Variants in PTPRD observed in about 807,000 individuals in gnomAD.
PTPRD encodes the protein protein tyrosine phosphatase receptor type D.
Under a neutral mutation model 214.5 loss-of-function variants are expected in PTPRD, and 34 were observed. The ratio of observed to expected loss-of-function variants is 0.16; its 90% CI spans 0.12 to 0.21. The LOEUF is 0.21. PTPRD is among the 10% of genes least tolerant of loss of function. PTPRD has a pLI of 1.00. For synonymous variants in PTPRD, 1,128 were observed against 845.7 expected (o/e 1.33, Z -5.79); for missense variants, 2,545 against 2,398.7 (o/e 1.06, Z -1.27).
At chr9:10,259,798 T>C (rs1348010453) in intron 3 of PTPRD, among the ~76,000 whole-genome samples, 5 of 152,194 alleles carry the variant, frequency 3.3e-5, no homozygotes, top group South Asian at 4.2e-4. Context: ...TAGCTCCGTT[T>C]TGCACACACT....
At position 9,471,516 on chromosome 9, in the gene PTPRD, T is replaced by C. The variant is rs2094584668; in HGVS notation, c.-236-74034A>G. 2.6e-5 allele frequency among the ~76,000 whole-genome samples: 4 copies of C among 152,166 alleles called. No homozygotes were observed. In the South Asian group the frequency reaches 8.3e-4, roughly 31 times the overall value. ...TAAAAAAATGCTCCCTGAATGAACA[T>C]TAAAGAATTTATTGCTTAAATAGAA... is the stretch of plus-strand genomic sequence containing the variant. On this transcript the variant is annotated intron_variant, in intron 8 of 45. Transcript: ENST00000381196.
chr9:9,550,411 T>G (rs1306965104), intron 8 of PTPRD, among the ~76,000 whole-genome samples: 1 of 121,078 alleles, frequency 8.3e-6, no homozygotes, highest in African/African-American at 2.6e-5. Flanking sequence ...AATGTATAAT[T>G]TTATATATAA....
chr9:10,461,967 G>C (rs1452849806), intron 2 of PTPRD, among the ~76,000 whole-genome samples: 2 of 152,086 alleles, frequency 1.3e-5, no homozygotes, highest in East Asian at 1.9e-4. Flanking sequence ...AATATATAGA[G>C]ATGGAAAATA....
chr9:9,508,018 A>C (rs1017266692), intron 8 of PTPRD, among the ~76,000 whole-genome samples: 22 of 151,532 alleles, frequency 1.5e-4, no homozygotes, highest in Non-Finnish European at 1.5e-5. Flanking sequence ...TCACACATAA[A>C]ATTCTCAATA....
chr9:8,427,982 G>A (rs1432925400), intron 35 of PTPRD, among the ~76,000 whole-genome samples: 4 of 152,146 alleles, frequency 2.6e-5, no homozygotes, highest in African/African-American at 9.7e-5. Context: ...TGATAAGCAT[G>A]TATGTGTTTG....
intron 37 of PTPRD, among the ~76,000 whole-genome samples, chr9:8,388,031 C>T (rs1476626328): frequency 4.6e-5 from 7 of 152,162 alleles, no homozygotes; most frequent in Non-Finnish European, 1.5e-5. Context: ...GACAATATTT[C>T]AACATCTCTA....
intron 4 of PTPRD, among the ~76,000 whole-genome samples, chr9:10,031,147 C>T (rs965905708): frequency 1.3e-5 from 2 of 152,116 alleles, no homozygotes; most frequent in Non-Finnish European, 2.9e-5. Context: ...TAATAATATG[C>T]ACTATGACTT....
At chr9:9,015,808 A>G (rs970136523) in intron 11 of PTPRD, among the ~76,000 whole-genome samples, 2 of 152,150 alleles carry the variant, frequency 1.3e-5, no homozygotes, top group Non-Finnish European at 2.9e-5. Context: ...TTTGGATATA[A>G]TAATTACCAT....
intron 2 of PTPRD, among the ~76,000 whole-genome samples, chr9:10,443,364 C>G (rs2098774389): frequency 6.6e-6 from 1 of 151,634 alleles, no homozygotes; most frequent in Non-Finnish European, 1.5e-5. Context: ...ATCTTCCAAA[C>G]TAACTTCACA....
intron 4 of PTPRD, among the ~76,000 whole-genome samples, chr9:10,012,646 G>C (rs150247531): frequency 6.6e-6 from 1 of 151,916 alleles, no homozygotes; most frequent in Non-Finnish European, 1.5e-5. Context: ...GACTAGCACT[G>C]TTATTGGAAC....
At chr9:9,384,525 T>C (rs553030037) in intron 9 of PTPRD, among the ~76,000 whole-genome samples, 1 of 151,852 alleles carries the variant, frequency 6.6e-6, no homozygotes, top group South Asian at 2.1e-4. Context: ...TTTATTTAAC[T>C]TGTAAAATAT....
chr9:9,505,418 T>A (rs2096547895), intron 8 of PTPRD, among the ~76,000 whole-genome samples: 1 of 151,586 alleles, frequency 6.6e-6, no homozygotes, highest in Non-Finnish European at 1.5e-5. Flanking sequence ...ATATAGGATG[T>A]AAATATTTAG....
At chr9:9,218,008 CTGTT>C (rs969630698) in intron 9 of PTPRD, among the ~76,000 whole-genome samples, 4 of 152,136 alleles carry the variant, frequency 2.6e-5, no homozygotes, top group African/African-American at 7.2e-5. Flanking sequence ...CATGTTCACT[CTGTT>C]TGTTTCTGAG....
chr9:10,534,956 C>T (rs896928531), intron 2 of PTPRD, among the ~76,000 whole-genome samples: 2 of 152,114 alleles, frequency 1.3e-5, no homozygotes, highest in Non-Finnish European at 2.9e-5. Flanking sequence ...TTGCAGCCCA[C>T]TTCAGTTTAT....
At chr9:9,333,202 C>A (rs1205551941) in intron 9 of PTPRD, among the ~76,000 whole-genome samples, 2 of 151,610 alleles carry the variant, frequency 1.3e-5, no homozygotes, top group Admixed American at 1.3e-4. Context: ...AGAGCAAGAT[C>A]AGTGGGGCTG....
In PTPRD at chr9:8,713,533, G is replaced by C. The variant is rs967963654; in HGVS notation, c.64+20247C>G. 5 of 1,267,734 alleles carry C rather than the reference G, an allele frequency of 3.9e-6. No homozygotes were observed. In the African/African-American group the frequency reaches 7.3e-5, roughly 19 times the overall value. The allele number at this position is 1,267,734 out of a possible 1,614,324, so 78.5% of individuals were successfully genotyped here. A position where few individuals can be genotyped will look rare whatever the true frequency, so the allele number is the denominator to read the frequency against. On this transcript the variant is annotated intron_variant, in intron 12 of 45. Coordinates refer to ENST00000381196, the MANE Select transcript of PTPRD (RefSeq NM_002839.4). ...GGTGTTTGAGAAGTCCCCGCTGCGG[G>C]TGAAGAACTTCGGGATCTGGCTGCG...
intron 11 of PTPRD, among the ~76,000 whole-genome samples, chr9:8,764,442 A>C (rs2094581758): frequency 6.6e-6 from 1 of 152,174 alleles, no homozygotes; most frequent in South Asian, 2.1e-4. Context: ...TTTAGGCATT[A>C]AGATTTTAGG....
At chr9:10,150,151 G>C (rs1356312210) in intron 3 of PTPRD, among the ~76,000 whole-genome samples, 2 of 152,110 alleles carry the variant, frequency 1.3e-5, no homozygotes, top group African/African-American at 4.8e-5. Context: ...GAATATTTAT[G>C]TTTAAAGATA....
At chr9:10,335,123 T>A (rs918222860) in intron 3 of PTPRD, among the ~76,000 whole-genome samples, 1 of 151,618 alleles carries the variant, frequency 6.6e-6, no homozygotes. Flanking sequence ...AAACCCAGAA[T>A]AGCCAAGCCA....
Sources: gnomAD v4.1 joint callset for allele counts (sites outside exome capture counted in the v4.1 genomes callset) on GRCh38, gnomAD v4.1.1 for gene constraint, MANE v1.5 for transcripts, NCBI Gene and HGNC (gene_info 2026-07-23, HGNC 2026-07-21) for gene names.